The following MAP7 variants were observed in gnomAD, a reference collection of about 807,000 sequenced individuals.
MAP7 encodes the protein ensconsin.
Under a neutral mutation model 94.8 loss-of-function variants are expected in MAP7, and 52 were observed. That is an observed-to-expected ratio of 0.55 (90% CI 0.44 to 0.69). MAP7 has a LOEUF of 0.69. Among genes scored for constraint, MAP7 ranks in the 30% least tolerant of loss-of-function variants. The pLI is 0.00. For missense variants in MAP7, 940 were observed against 964.6 expected, an observed-to-expected ratio of 0.97 and a Z score of 0.34; for synonymous variants, 350 against 357.0, an observed-to-expected ratio of 0.98 and a Z score of 0.22.
In MAP7 at chr6:136,450,656, C is replaced by T. The variant is rs796239944; in HGVS notation, c.68-28857G>A. Among the ~76,000 whole-genome samples, 8 of 151,770 alleles carry T rather than the reference C, an allele frequency of 5.3e-5. No homozygotes were observed. In the South Asian group the frequency reaches 8.3e-4, roughly 16 times the overall value. On this transcript the variant is annotated intron_variant, in intron 1 of 17. Transcript: ENST00000354570. ...AAAATTAGCCAGGCATGGTGGCTCA[C>T]GCCTGTAATCCCAGCTACTCGGAAG...
intron 1 of MAP7, among the ~76,000 whole-genome samples, chr6:136,479,863 G>A (rs1812175880): frequency 6.6e-6 from 1 of 152,086 alleles, no homozygotes; most frequent in Admixed American, 6.6e-5. Flanking sequence ...CACAAAAAAA[G>A]AAAGATTGGA....
At chr6:136,410,500 C>G (rs1008590764) in intron 3 of MAP7, among the ~76,000 whole-genome samples, 1 of 152,234 alleles carries the variant, frequency 6.6e-6, no homozygotes, top group Non-Finnish European at 1.5e-5. Context: ...AAGAACCTAC[C>G]TGCCTGCAGG....
At position 136,428,656 on chromosome 6, in the gene MAP7, A is replaced by G. The variant is rs140232452; in HGVS notation, c.68-6857T>C. Among the ~76,000 whole-genome samples the G allele has an allele frequency of 1.0e-3, 152 of 152,326 alleles. 3 individuals are homozygous for G. Among genetic ancestry groups the G allele is most frequent in the East Asian group, 7.9e-3 (41 of 5,188 alleles). ...TTCTATCAAAATAGGTTACCAAAATATTCCTAAGGGATAGGACTGGGCCAT... is the reference window on the plus strand; with the variant it reads ...TTCTATCAAAATAGGTTACCAAAATGTTCCTAAGGGATAGGACTGGGCCAT... On this transcript the variant is annotated intron_variant, in intron 1 of 17. Transcript: ENST00000354570.
intron 1 of MAP7, chr6:136,525,885 G>A (rs1227545734): frequency 1.3e-6 from 2 of 1,535,340 alleles, no homozygotes; most frequent in African/African-American, 1.4e-5. Flanking sequence ...CTCATTAATG[G>A]TGAATAAACC....
chr6:136,378,389 T>C (rs1472189858), intron 6 of MAP7, among the ~76,000 whole-genome samples: 1 of 152,158 alleles, frequency 6.6e-6, no homozygotes, highest in Non-Finnish European at 1.5e-5. Flanking sequence ...AATTGCTACT[T>C]GGGCAATGGG....
chr6:136,490,842 C>T (rs946574055), intron 1 of MAP7, among the ~76,000 whole-genome samples: 2 of 152,228 alleles, frequency 1.3e-5, no homozygotes, highest in African/African-American at 2.4e-5. Flanking sequence ...CGCTCTCTCA[C>T]ACCTATAGGT....
intron 7 of MAP7, 22 bp downstream of exon 7, chr6:136,377,733 A>G (rs1447004101): frequency 6.3e-7 from 1 of 1,585,706 alleles, no homozygotes; most frequent in Non-Finnish European, 8.7e-7. Flanking sequence ...TCATGGGGAA[A>G]GTTCCACCTG....
chr6:136,527,809 TGTA>T (rs1828122569), intron 1 of MAP7, among the ~76,000 whole-genome samples: 1 of 152,186 alleles, frequency 6.6e-6, no homozygotes, highest in African/African-American at 2.4e-5. Context: ...TGCTGGGGGA[TGTA>T]CTAAATTGTG....
intron 5 of MAP7, among the ~76,000 whole-genome samples, chr6:136,384,306 T>TA (rs939817533): frequency 5.3e-5 from 8 of 150,186 alleles, no homozygotes; most frequent in South Asian, 2.1e-4. Context: ...GTTGTTTAAA[T>TA]AAAAAAAAAG....
chr6:136,393,092 T>C (rs1781243619), intron 3 of MAP7, among the ~76,000 whole-genome samples: 1 of 152,228 alleles, frequency 6.6e-6, no homozygotes, highest in Non-Finnish European at 1.5e-5. Context: ...TACGTGGCTC[T>C]ATTTCTTCAC....
intron 1 of MAP7, among the ~76,000 whole-genome samples, chr6:136,474,904 C>T (rs555076977): frequency 3.9e-4 from 59 of 152,050 alleles, no homozygotes; most frequent in Non-Finnish European, 7.1e-4. Context: ...TGGGTAGAGA[C>T]GGGGTTTCAC....
chr6:136,443,532 A>C (rs1164514437), intron 1 of MAP7, among the ~76,000 whole-genome samples: 1 of 145,926 alleles, frequency 6.9e-6, no homozygotes, highest in Non-Finnish European at 1.5e-5. Context: ...GCTCACTGCA[A>C]CCTCCACTCC....
chr6:136,360,957 G>C, intron 12 of MAP7, 48 bp downstream of exon 12: 1 of 1,546,754 alleles, frequency 6.5e-7, no homozygotes, highest in Non-Finnish European at 8.7e-7. Context: ...GGGCTGGGGC[G>C]TCTCCCTGCG....
At chr6:136,403,863 C>T (rs1487992792) in intron 3 of MAP7, among the ~76,000 whole-genome samples, 1 of 152,228 alleles carries the variant, frequency 6.6e-6, no homozygotes, top group African/African-American at 2.4e-5. Flanking sequence ...CATCCATATT[C>T]CTCTCACTAA....
At chr6:136,367,689 T>C (rs1794670286) in intron 8 of MAP7, among the ~76,000 whole-genome samples, 6 of 152,200 alleles carry the variant, frequency 3.9e-5, no homozygotes, top group Admixed American at 3.9e-4. Context: ...CTGCATCATT[T>C]CCAGCTGCTC....
chr6:136,373,341 C>T (rs1457790240), intron 7 of MAP7, among the ~76,000 whole-genome samples: 5 of 152,170 alleles, frequency 3.3e-5, no homozygotes, highest in Non-Finnish European at 7.3e-5. Context: ...TCATAAGAAG[C>T]AGCATTAGAG....
At chr6:136,378,381 T>C (rs1366581997) in intron 6 of MAP7, among the ~76,000 whole-genome samples, 2 of 152,138 alleles carry the variant, frequency 1.3e-5, no homozygotes, top group African/African-American at 4.8e-5. Context: ...TCTCCATGAA[T>C]TGCTACTTGG....
intron 5 of MAP7, among the ~76,000 whole-genome samples, chr6:136,384,034 G>A (rs769051706): frequency 3.3e-5 from 5 of 152,188 alleles, no homozygotes; most frequent in Non-Finnish European, 7.3e-5. Context: ...GGATACAAGT[G>A]GATGAAGACA....
chr6:136,414,093 C>G (rs1215053529), intron 2 of MAP7, among the ~76,000 whole-genome samples: 1 of 124,696 alleles, frequency 8.0e-6, no homozygotes, highest in African/African-American at 3.0e-5. Context: ...ACTAAAAATA[C>G]AAAAAAAAAA....
Sources: allele counts gnomAD v4.1 joint callset (sites outside exome capture counted in the v4.1 genomes callset), GRCh38; gene constraint gnomAD v4.1.1; transcripts MANE v1.5; gene names NCBI Gene and HGNC (gene_info 2026-07-23, HGNC 2026-07-21).